The following DPYD variants were observed in gnomAD, a reference collection of about 807,000 sequenced individuals.
The protein encoded by DPYD is dihydropyrimidine dehydrogenase [NADP(+)].
DPYD carries 109 observed loss-of-function variants against 116.2 expected under a neutral mutation model. That is an observed-to-expected ratio of 0.94 (90% CI 0.80 to 1.10). The LOEUF (loss-of-function observed/expected upper bound fraction) is 1.10, where lower values mean the gene tolerates loss of function less well. DPYD is among the 50% of genes least tolerant of loss of function. DPYD has a pLI of 0.00. For missense variants in DPYD, 1,302 were observed against 1,254.5 expected, an observed-to-expected ratio of 1.04 and a Z score of -0.57; for synonymous variants, 440 against 432.0, an observed-to-expected ratio of 1.02 and a Z score of -0.23.
chr1:97,731,114 CAT>C (rs1016549233), intron 4 of DPYD, among the ~76,000 whole-genome samples: 13 of 152,162 alleles, frequency 8.5e-5, no homozygotes, highest in East Asian at 5.8e-4. Context: ...CCAAAAGACA[CAT>C]GATTATTTAT....
intron 8 of DPYD, among the ~76,000 whole-genome samples, chr1:97,670,354 G>A (rs1659793449): frequency 6.6e-6 from 1 of 152,268 alleles, no homozygotes; most frequent in East Asian, 1.9e-4. Context: ...TGGGGCCTTT[G>A]GGATGTAATT....
At chr1:97,079,311 A>T (rs1298951211) in intron 22 of DPYD, among the ~76,000 whole-genome samples, 165 bp from the exon 23 acceptor site, 1 of 152,140 alleles carries the variant, frequency 6.6e-6, no homozygotes, top group East Asian at 1.9e-4. Context: ...CAGAGGAGGA[A>T]AAAAAGAGCG....
intron 2 of DPYD, among the ~76,000 whole-genome samples, chr1:97,872,726 T>G (rs1006236084): frequency 1.2e-4 from 19 of 152,038 alleles, no homozygotes; most frequent in African/African-American, 4.3e-4. Flanking sequence ...TAACATGCAC[T>G]TCTCAATGAA....
chr1:97,858,738 T>C lies in DPYD; in HGVS notation c.150+24526A>G, dbSNP rs540469626. The stretch of plus-strand genomic sequence containing the variant: ...AACATACAAGCCTTTGGGGAAAAAA[T>C]AGGCATTACTACCTAGTACTTCATT... On this transcript the variant is annotated intron_variant, in intron 2 of 22. Coordinates refer to ENST00000370192, the MANE Select transcript of DPYD (RefSeq NM_000110.4). Among the ~76,000 whole-genome samples, 7 of 152,166 alleles carry C rather than the reference T, an allele frequency of 4.6e-5. No homozygotes were observed. The South Asian group carries it at 1.2e-3, about 27-fold the overall frequency.
intron 14 of DPYD, among the ~76,000 whole-genome samples, chr1:97,386,734 G>A (rs769614500): frequency 6.6e-6 from 1 of 151,956 alleles, no homozygotes; most frequent in Non-Finnish European, 1.5e-5. Context: ...TAAAGCCAGA[G>A]GATGGTTTGT....
intron 20 of DPYD, among the ~76,000 whole-genome samples, chr1:97,101,414 A>C (rs1650673022): frequency 6.6e-6 from 1 of 151,206 alleles, no homozygotes; most frequent in South Asian, 2.1e-4. Flanking sequence ...ACAAAGGATC[A>C]ACCGATCACC....
intron 4 of DPYD, among the ~76,000 whole-genome samples, chr1:97,724,344 GTGTGTGTGTGTGTGTGTGTGTA>G (rs1201054621): frequency 6.0e-4 from 86 of 143,828 alleles, no homozygotes; most frequent in African/African-American, 2.0e-3. Flanking sequence ...GTGTGTGTGT[GTGTGTGTGTGTGTGTGTGTGTA>G]TGAGATTTAT....
At chr1:97,541,326 G>C (rs1409748683) in intron 12 of DPYD, among the ~76,000 whole-genome samples, 2 of 152,164 alleles carry the variant, frequency 1.3e-5, no homozygotes, top group African/African-American at 2.4e-5. Flanking sequence ...GAATGTTCTT[G>C]AAGGATATGA....
At chr1:97,599,115 T>A (rs1328241001) in intron 8 of DPYD, among the ~76,000 whole-genome samples, 1 of 152,266 alleles carries the variant, frequency 6.6e-6, no homozygotes, top group Non-Finnish European at 1.5e-5. Flanking sequence ...AAGGACTGGC[T>A]GCTTCTCTTG....
chr1:97,716,555 A>T (rs1662627059), intron 5 of DPYD, among the ~76,000 whole-genome samples: 1 of 152,136 alleles, frequency 6.6e-6, no homozygotes, highest in East Asian at 1.9e-4. Context: ...ACTACACAAT[A>T]AATGGAATTG....
At chr1:97,690,285 T>C (rs891844572) in intron 7 of DPYD, among the ~76,000 whole-genome samples, 25 of 152,034 alleles carry the variant, frequency 1.6e-4, no homozygotes, top group Non-Finnish European at 3.7e-4. Flanking sequence ...GCACTCAGTA[T>C]ATTGCCTACT....
intron 21 of DPYD, among the ~76,000 whole-genome samples, chr1:97,093,293 T>C (rs1650015824): frequency 6.6e-6 from 1 of 152,180 alleles, no homozygotes; most frequent in South Asian, 2.1e-4. Flanking sequence ...GCTTATCTCA[T>C]GGTAGGTATG....
chr1:97,201,973 C>A (rs1181980630), intron 19 of DPYD, among the ~76,000 whole-genome samples: 6 of 151,578 alleles, frequency 4.0e-5, no homozygotes, highest in Non-Finnish European at 8.8e-5. Flanking sequence ...TTGTTTCCCC[C>A]AAAAGGAGAG....
chr1:97,465,195 G>A (rs754903210), intron 13 of DPYD, among the ~76,000 whole-genome samples: 2 of 152,192 alleles, frequency 1.3e-5, no homozygotes, highest in African/African-American at 2.4e-5. Flanking sequence ...TGGAATGGCT[G>A]TATTTACCCA....
At chr1:97,784,414 T>C (rs1026896556) in intron 3 of DPYD, among the ~76,000 whole-genome samples, 4 of 152,184 alleles carry the variant, frequency 2.6e-5, no homozygotes, top group Admixed American at 6.5e-5. Context: ...GATCTCTAGA[T>C]GAAGAGGACA....
chr1:97,134,017 ATATATATATATATATATATAT>A lies in DPYD; in HGVS notation c.2623-35406_2623-35386del, dbSNP rs1653583580. Among the ~76,000 whole-genome samples the A allele has an allele frequency of 5.0e-4, 8 of 16,136 alleles. 1 individual carries two copies. The highest frequency in any genetic ancestry group is 1.2e-3 in the African/African-American group (8 of 6,692). The allele number at this position is 16,136 out of a possible 152,430, so 10.6% of individuals were successfully genotyped here. ...CTGTTTCAAAAAAAAAAAAAAAAATATATATATATATATATATATATATATATATATATATATATATATATA... is the reference window on the plus strand; with the variant it reads ...CTGTTTCAAAAAAAAAAAAAAAAATAATATATATATATATATATATATATA... On this transcript the variant is annotated intron_variant, in intron 20 of 22. Coordinates refer to ENST00000370192, the MANE Select transcript of DPYD (RefSeq NM_000110.4).
intron 8 of DPYD, among the ~76,000 whole-genome samples, chr1:97,676,257 C>A (rs148457903): frequency 2.0e-5 from 3 of 152,126 alleles, no homozygotes; most frequent in Non-Finnish European, 4.4e-5. Context: ...GGGATTATGT[C>A]CACCCAGCAA....
chr1:97,720,835 A>G lies in DPYD; in HGVS notation c.483+675T>C, dbSNP rs972048505. ...TACATGGGAATTAACCTGCTTGTTG[A>G]CTCCAAATAGGAGACGTCAGAGAGC... On this transcript the variant is annotated intron_variant, in intron 5 of 22. Transcript: ENST00000370192. 36 of 1,597,636 alleles carry G rather than the reference A, an allele frequency of 2.3e-5. 1 individual carries two copies. Among genetic ancestry groups the G allele is most frequent in the Non-Finnish European group, 2.3e-5 (27 of 1,172,990 alleles).
At chr1:97,594,965 C>A in intron 9 of DPYD, 94 bp downstream of exon 9, 1 of 1,007,166 alleles carries the variant, frequency 9.9e-7, no homozygotes, top group Non-Finnish European at 1.5e-6. Context: ...GGTGTGAGAG[C>A]TGAACAATGT....
Sources: gnomAD v4.1 joint callset for allele counts (sites outside exome capture counted in the v4.1 genomes callset) on GRCh38, gnomAD v4.1.1 for gene constraint, MANE v1.5 for transcripts, NCBI Gene and HGNC (gene_info 2026-07-23, HGNC 2026-07-21) for gene names.